TBCD: variants seen among roughly 807,000 people sequenced by gnomAD.
TBCD encodes tubulin folding cofactor D, also known as tubulin-specific chaperone D.
In TBCD, 105 loss-of-function variants were observed where a neutral mutation model predicts 169.3. The ratio of observed to expected loss-of-function variants is 0.62; its 90% confidence interval spans 0.53 to 0.73. TBCD has a LOEUF of 0.73. TBCD is among the 30% of genes least tolerant of loss of function. TBCD has a pLI of 0.00. For missense variants in TBCD, 1,444 were observed against 1,600.1 expected, an observed-to-expected ratio of 0.90 and a Z score of 1.66; for synonymous variants, 700 against 643.9, an observed-to-expected ratio of 1.09 and a Z score of -1.32.
intron 38 of TBCD, 167 bp from the exon 39 acceptor site, chr17:82,942,282 T>C: frequency 1.1e-6 from 1 of 913,496 alleles, no homozygotes; most frequent in Non-Finnish European, 1.7e-6. Context: ...CATGAGCACC[T>C]GTCAGCCACA....
chr17:82,841,473 T>A (rs2054521727), intron 13 of TBCD, among the ~76,000 whole-genome samples: 1 of 152,118 alleles, frequency 6.6e-6, no homozygotes, highest in Non-Finnish European at 1.5e-5. Flanking sequence ...ACGGTCACTA[T>A]GCCTGGAGAA....
intron 13 of TBCD, among the ~76,000 whole-genome samples, chr17:82,866,804 G>T (rs970771565): frequency 6.6e-6 from 1 of 152,248 alleles, no homozygotes; most frequent in African/African-American, 2.4e-5. Flanking sequence ...CTGTGGCTCT[G>T]TCCACAGCTG....
At chr17:82,938,276 T>C in intron 36 of TBCD, 140 bp downstream of exon 36, 1 of 953,892 alleles carries the variant, frequency 1.0e-6, no homozygotes, top group Non-Finnish European at 1.6e-6. Flanking sequence ...TGACGACGCG[T>C]CACAGGCACG....
intron 24 of TBCD, 154 bp from the exon 25 acceptor site, chr17:82,921,347 A>G (rs2061409707): frequency 1.5e-6 from 1 of 670,314 alleles, no homozygotes; most frequent in East Asian, 2.7e-5. Flanking sequence ...GACTTAACAC[A>G]ACGTGGAGAA....
chr17:82,868,975 C>T (rs1031874994), intron 13 of TBCD, among the ~76,000 whole-genome samples: 3 of 150,024 alleles, frequency 2.0e-5, no homozygotes, highest in Non-Finnish European at 4.4e-5. Flanking sequence ...GAGCCCCGAA[C>T]GAGACCCTGG....
chr17:82,788,584 AAAAACCAAG>A (rs2049476036), intron 7 of TBCD, among the ~76,000 whole-genome samples: 1 of 152,246 alleles, frequency 6.6e-6, no homozygotes, highest in Admixed American at 6.5e-5. Flanking sequence ...CAACAGCATT[AAAAACCAAG>A]AAAGCCAAAG....
chr17:82,916,679 A>G (rs935370120), intron 23 of TBCD, among the ~76,000 whole-genome samples: 30 of 152,316 alleles, frequency 2.0e-4, no homozygotes, highest in African/African-American at 6.5e-4. Flanking sequence ...ATTGGAGACA[A>G]TCTTTTAAGT....
At chr17:82,785,250 C>T (rs564014569) in intron 7 of TBCD, among the ~76,000 whole-genome samples, 1 of 99,458 alleles carries the variant, frequency 1.0e-5, no homozygotes, top group African/African-American at 3.9e-5. Flanking sequence ...TCCCACCCAT[C>T]GCAGCGGGAG....
At chr17:82,908,074 T>C (rs1325109756) in intron 21 of TBCD, among the ~76,000 whole-genome samples, 1 of 152,254 alleles carries the variant, frequency 6.6e-6, no homozygotes, top group Non-Finnish European at 1.5e-5. Flanking sequence ...GCAGACTTTC[T>C]GTGCACGTAG....
At chr17:82,775,894 T>A (rs1033495718) in intron 6 of TBCD, among the ~76,000 whole-genome samples, 2 of 151,616 alleles carry the variant, frequency 1.3e-5, no homozygotes, top group African/African-American at 4.8e-5. Context: ...AGTATAATAA[T>A]AAAAAAATTA....
intron 18 of TBCD, among the ~76,000 whole-genome samples, chr17:82,901,664 G>A (rs1474300389): frequency 1.3e-5 from 2 of 151,882 alleles, no homozygotes; most frequent in Non-Finnish European, 2.9e-5. Context: ...CCGTGGTCCT[G>A]CTGCCTGGGG....
At chr17:82,940,035 G>A (rs1170749050) in intron 37 of TBCD, among the ~76,000 whole-genome samples, 1 of 152,206 alleles carries the variant, frequency 6.6e-6, no homozygotes. Context: ...GGAGTAGAAT[G>A]GCGGTTTTGA....
chr17:82,890,575 C>T lies in TBCD; in HGVS notation c.1563+878C>T, dbSNP rs372835489. On this transcript the variant is annotated intron_variant, in intron 16 of 38. Coordinates refer to ENST00000355528, the MANE Select transcript of TBCD (RefSeq NM_005993.5). This position sits in a 1 kb window ranked among gnomAD's most constrained non-coding sequence, Gnocchi z 5.3. ...CGGATGCCAGAGTCAGCTGGAGAGG[C>T]GGGCGGACGAGGACTTGCGCCTGTT... Among the ~76,000 whole-genome samples the T allele has an allele frequency of 2.5e-4, 38 of 152,244 alleles. No individual in the cohort carries two copies. In the East Asian group the frequency reaches 4.3e-3, roughly 17 times the overall value.
intron 13 of TBCD, among the ~76,000 whole-genome samples, chr17:82,859,351 A>G (rs2056577044): frequency 1.4e-5 from 2 of 138,222 alleles, no homozygotes; most frequent in East Asian, 2.1e-4. Context: ...CCCTACACTG[A>G]CACACTGGCT....
chr17:82,816,993 T>G (rs2263123), intron 13 of TBCD, among the ~76,000 whole-genome samples: 78,166 of 152,086 alleles, frequency 0.51, 20,248 homozygotes, highest in South Asian at 0.64. Flanking sequence ...AGAAATGTCT[T>G]TTCAAGTTCT....
chr17:82,827,318 G>A (rs1409488915), intron 13 of TBCD, among the ~76,000 whole-genome samples: 1 of 152,230 alleles, frequency 6.6e-6, no homozygotes, highest in Non-Finnish European at 1.5e-5. Context: ...TCCCATCGTA[G>A]TGTCCACTGC....
intron 23 of TBCD, among the ~76,000 whole-genome samples, chr17:82,917,044 G>A (rs1467705843): frequency 2.4e-5 from 1 of 41,904 alleles, no homozygotes; most frequent in Non-Finnish European, 4.7e-5. Context: ...TTTTTGAGTT[G>A]GAGTCTTGCT....
intron 17 of TBCD, among the ~76,000 whole-genome samples, chr17:82,896,260 C>T (rs1025173675): frequency 2.0e-4 from 30 of 152,136 alleles, no homozygotes; most frequent in African/African-American, 5.8e-4. Context: ...TGGGGACCGT[C>T]CCCCGAGCCT....
intron 9 of TBCD, among the ~76,000 whole-genome samples, chr17:82,801,807 T>C (rs372874669): frequency 1.2e-4 from 15 of 127,738 alleles, no homozygotes; most frequent in African/African-American, 4.6e-4. Context: ...TGGCTCGGAG[T>C]CAGCGTGGCA....
Sources: allele counts gnomAD v4.1 joint callset (sites outside exome capture counted in the v4.1 genomes callset), GRCh38; gene constraint gnomAD v4.1.1; non-coding constraint Gnocchi (gnomAD v3.1); transcripts MANE v1.5; gene names NCBI Gene and HGNC (gene_info 2026-07-23, HGNC 2026-07-21).